The following NXPH1 variants were observed in gnomAD, a reference collection of about 807,000 sequenced individuals.
NXPH1 encodes the protein neurexophilin 1.
A neutral mutation model predicts 23.7 loss-of-function variants in NXPH1; 5 were observed. That is an observed-to-expected ratio of 0.21 (90% CI 0.11 to 0.44). NXPH1 has a LOEUF of 0.44. NXPH1 is among the 20% of genes least tolerant of loss of function. The probability of loss-of-function intolerance (pLI) is 0.99; values close to 1 mark genes in which losing one functional copy is unlikely to be tolerated. For missense variants in NXPH1, 324 were observed against 321.6 expected, an observed-to-expected ratio of 1.01 and a Z score of -0.06; for synonymous variants, 144 against 122.2, an observed-to-expected ratio of 1.18 and a Z score of -1.18.
intron 2 of NXPH1, among the ~76,000 whole-genome samples, chr7:8,469,705 A>G (rs986905191): frequency 1.3e-5 from 2 of 152,142 alleles, no homozygotes; most frequent in African/African-American, 4.8e-5. Context: ...AATGCACACT[A>G]TGATGAGGGT....
Position 8,751,834 on chromosome 7 carries a change from CAAA to C in NXPH1, c.*66_*68del, listed in dbSNP as rs1317984005. The C allele has an allele frequency of 4.9e-6, 7 of 1,442,558 alleles. No individual in the cohort carries two copies. Among genetic ancestry groups the C allele is most frequent in the Non-Finnish European group, 6.5e-6 (7 of 1,080,274 alleles). 89.4% of individuals were successfully genotyped at this position (1,442,558 alleles called of 1,614,324 possible). ...AGGTCATATGACAGGGCTGTTACCT[CAAA>C]GAAGAAGGTCACATCTGTTGCCTGG... On this transcript the variant is annotated 3_prime_UTR_variant, in exon 3 of 3. Transcript: ENST00000405863. This position sits in a 1 kb window ranked among gnomAD's most constrained non-coding sequence, Gnocchi z 4.5.
intron 2 of NXPH1, among the ~76,000 whole-genome samples, chr7:8,668,451 G>C (rs911167541): frequency 4.6e-5 from 7 of 152,146 alleles, no homozygotes; most frequent in African/African-American, 1.7e-4. Context: ...TCTCATGCAA[G>C]CTTATTTGAT....
chr7:8,607,841 T>A (rs1819527614), intron 2 of NXPH1, among the ~76,000 whole-genome samples: 1 of 152,196 alleles, frequency 6.6e-6, no homozygotes, highest in African/African-American at 2.4e-5. Flanking sequence ...CAGATGTAAA[T>A]TAAGATGAAG....
intron 2 of NXPH1, among the ~76,000 whole-genome samples, chr7:8,750,252 T>C (rs912311884): frequency 2.0e-5 from 3 of 152,220 alleles, no homozygotes; most frequent in Non-Finnish European, 2.9e-5. Flanking sequence ...CTAATATGAC[T>C]GTAATATGGA....
intron 2 of NXPH1, among the ~76,000 whole-genome samples, chr7:8,490,745 G>A (rs2128611119): frequency 6.6e-6 from 1 of 152,128 alleles, no homozygotes; most frequent in African/African-American, 2.4e-5. Flanking sequence ...AAATATTTAA[G>A]GGGGAAGGAG....
intron 2 of NXPH1, among the ~76,000 whole-genome samples, chr7:8,594,886 C>T (rs1018715089): frequency 6.6e-6 from 1 of 151,968 alleles, no homozygotes; most frequent in Non-Finnish European, 1.5e-5. Flanking sequence ...GAATAAACTT[C>T]CTGAATTTGC....
chr7:8,497,122 T>C (rs989682801), intron 2 of NXPH1, among the ~76,000 whole-genome samples: 13 of 152,194 alleles, frequency 8.5e-5, no homozygotes, highest in Non-Finnish European at 1.9e-4. Flanking sequence ...TTTGGTTTTC[T>C]GTCCTTGCGA....
chr7:8,602,616 C>T (rs769544755), intron 2 of NXPH1, among the ~76,000 whole-genome samples: 4 of 152,142 alleles, frequency 2.6e-5, no homozygotes, highest in Non-Finnish European at 5.9e-5. Context: ...CTCAGTCTTT[C>T]CTTAACTCCA....
chr7:8,731,998 G>A (rs1036879330), intron 2 of NXPH1, among the ~76,000 whole-genome samples: 14 of 152,230 alleles, frequency 9.2e-5, no homozygotes, highest in African/African-American at 2.7e-4. Context: ...GCAAGACTCC[G>A]CGGGCATAGG....
chr7:8,531,594 C>G (rs1269992920), intron 2 of NXPH1, among the ~76,000 whole-genome samples: 1 of 152,026 alleles, frequency 6.6e-6, no homozygotes, highest in Non-Finnish European at 1.5e-5. Context: ...CATTTTTTTG[C>G]TTGTTTATTG....
intron 2 of NXPH1, among the ~76,000 whole-genome samples, chr7:8,671,421 C>T (rs1820867943): frequency 6.6e-6 from 1 of 152,028 alleles, no homozygotes; most frequent in Admixed American, 6.6e-5. Context: ...CATGTATTTG[C>T]CATAAAGAAT....
At chr7:8,613,906 G>C (rs564683008) in intron 2 of NXPH1, among the ~76,000 whole-genome samples, 9 of 151,794 alleles carry the variant, frequency 5.9e-5, no homozygotes, top group Admixed American at 1.3e-4. Context: ...GAACACACGT[G>C]TATATATAAT....
intron 2 of NXPH1, among the ~76,000 whole-genome samples, chr7:8,725,955 T>G (rs898889588): frequency 3.3e-5 from 5 of 152,228 alleles, no homozygotes; most frequent in African/African-American, 1.2e-4. Context: ...TGTTATTCCT[T>G]GGCAACTAAT....
intron 2 of NXPH1, among the ~76,000 whole-genome samples, chr7:8,499,638 A>C (rs1372789024): frequency 6.6e-6 from 1 of 152,070 alleles, no homozygotes; most frequent in Non-Finnish European, 1.5e-5. Flanking sequence ...AATGCTCCCA[A>C]ATTCGGTAAT....
At chr7:8,637,652 T>C (rs1157645734) in intron 2 of NXPH1, among the ~76,000 whole-genome samples, 1 of 152,228 alleles carries the variant, frequency 6.6e-6, no homozygotes, top group African/African-American at 2.4e-5. Context: ...GTTTAGATTT[T>C]TGTTTTGATT....
intron 2 of NXPH1, among the ~76,000 whole-genome samples, chr7:8,509,883 G>A (rs1817586205): frequency 6.6e-6 from 1 of 152,120 alleles, no homozygotes; most frequent in Non-Finnish European, 1.5e-5. Flanking sequence ...CTGAGAATTA[G>A]CAATGATTAT....
chr7:8,672,715 G>A (rs1820890635), intron 2 of NXPH1, among the ~76,000 whole-genome samples: 1 of 152,158 alleles, frequency 6.6e-6, no homozygotes. Flanking sequence ...CGACCTAAGT[G>A]GTTTCAACTT....
intron 2 of NXPH1, among the ~76,000 whole-genome samples, chr7:8,677,344 A>C (rs1009838828): frequency 6.6e-6 from 1 of 152,196 alleles, no homozygotes; most frequent in African/African-American, 2.4e-5. Context: ...ATTTAAGTAG[A>C]AGGTTGTCAG....
intron 2 of NXPH1, among the ~76,000 whole-genome samples, chr7:8,514,336 G>A (rs976103214): frequency 2.6e-5 from 4 of 152,052 alleles, no homozygotes; most frequent in African/African-American, 9.7e-5. Context: ...TTTGGGAAAC[G>A]TACAAGTTAT....
Sources: allele counts gnomAD v4.1 joint callset (sites outside exome capture counted in the v4.1 genomes callset), GRCh38; gene constraint gnomAD v4.1.1; non-coding constraint Gnocchi (gnomAD v3.1); transcripts MANE v1.5; gene names NCBI Gene and HGNC (gene_info 2026-07-23, HGNC 2026-07-21).